The following SUPT3H variants were observed in gnomAD, a reference collection of about 807,000 sequenced individuals.
SUPT3H encodes transcription initiation protein SPT3 homolog.
SUPT3H carries 44 observed loss-of-function variants against 44.3 expected under a neutral mutation model. The observed-to-expected ratio is 0.99, with a 90% CI of 0.78 to 1.28. The LOEUF is 1.28. Among genes scored for constraint, SUPT3H ranks in the 50% most tolerant of loss-of-function variants. The pLI is 0.00. For missense variants in SUPT3H, 380 were observed against 387.1 expected (o/e 0.98, Z 0.15); for synonymous variants, 124 against 125.6 (o/e 0.99, Z 0.09).
chr6:45,029,954 ACAGGAT>A (rs1197259830), intron 3 of SUPT3H, among the ~76,000 whole-genome samples: 1 of 152,110 alleles, frequency 6.6e-6, no homozygotes, highest in Non-Finnish European at 1.5e-5. Context: ...TTTTGTAGAG[ACAGGAT>A]CTCACTTTAT....
At chr6:45,102,868 G>A (rs1798773095) in intron 3 of SUPT3H, among the ~76,000 whole-genome samples, 2 of 151,768 alleles carry the variant, frequency 1.3e-5, no homozygotes, top group South Asian at 4.2e-4. Flanking sequence ...GAACCCAGGA[G>A]TTGGAGATTG....
intron 6 of SUPT3H, among the ~76,000 whole-genome samples, chr6:44,967,999 C>A (rs1777008272): frequency 6.7e-6 from 1 of 149,190 alleles, no homozygotes; most frequent in South Asian, 2.1e-4. Flanking sequence ...TATAAAATTG[C>A]CCAGGCTGGT....
At chr6:44,813,699 A>T (rs1251885529) in intron 11 of SUPT3H, among the ~76,000 whole-genome samples, 1 of 151,800 alleles carries the variant, frequency 6.6e-6, no homozygotes, top group Non-Finnish European at 1.5e-5. Context: ...TGGTATAATT[A>T]AAAAAATAAA....
chr6:44,994,189 A>G (rs1021668988), intron 6 of SUPT3H, among the ~76,000 whole-genome samples: 2 of 152,158 alleles, frequency 1.3e-5, no homozygotes, highest in African/African-American at 2.4e-5. Flanking sequence ...GGCAAAGGCC[A>G]TATTTTATCT....
intron 5 of SUPT3H, among the ~76,000 whole-genome samples, chr6:45,006,258 A>C (rs998381734): frequency 6.6e-6 from 1 of 152,010 alleles, no homozygotes; most frequent in East Asian, 1.9e-4. Flanking sequence ...ATAATGTCTC[A>C]ATGTAAGAAT....
intron 10 of SUPT3H, among the ~76,000 whole-genome samples, chr6:44,895,331 G>C (rs925027403): frequency 6.7e-6 from 1 of 149,480 alleles, no homozygotes; most frequent in African/African-American, 2.5e-5. Context: ...TAGGCTCAAG[G>C]GATCTTCCTG....
At chr6:45,237,066 T>G (rs1202508374) in intron 2 of SUPT3H, among the ~76,000 whole-genome samples, 1 of 152,214 alleles carries the variant, frequency 6.6e-6, no homozygotes, top group Non-Finnish European at 1.5e-5. Flanking sequence ...AACTCCTGAC[T>G]GTGCCATATG....
At chr6:45,342,547 C>T (rs868722168) in intron 2 of SUPT3H, among the ~76,000 whole-genome samples, 1 of 152,152 alleles carries the variant, frequency 6.6e-6, no homozygotes. Flanking sequence ...GCATAAGCCA[C>T]GACACCCAGC....
intron 10 of SUPT3H, among the ~76,000 whole-genome samples, chr6:44,902,152 T>G (rs1362089129): frequency 6.6e-5 from 10 of 152,128 alleles, no homozygotes; most frequent in South Asian, 2.1e-4. Context: ...CATAATGACA[T>G]GATGAAATTC....
At chr6:45,307,432 C>A (rs1783219124) in intron 2 of SUPT3H, among the ~76,000 whole-genome samples, 1 of 152,208 alleles carries the variant, frequency 6.6e-6, no homozygotes, top group Non-Finnish European at 1.5e-5. Context: ...TCCAGAGAAA[C>A]AATCAGACAG....
chr6:44,826,468 A>G (rs1055213977), downstream of SUPT3H, among the ~76,000 whole-genome samples: 1 of 152,250 alleles, frequency 6.6e-6, no homozygotes, highest in Non-Finnish European at 1.5e-5. Flanking sequence ...TTTATGTACT[A>G]TGAAATGTTC....
chr6:45,062,889 C>T (rs370192481), intron 3 of SUPT3H, among the ~76,000 whole-genome samples: 2,594 of 152,074 alleles, frequency 0.017, no homozygotes, highest in South Asian at 0.079. Context: ...GGGGGAGGGG[C>T]GCCTGCCATT....
chr6:44,902,389 C>A (rs954083044), intron 10 of SUPT3H, among the ~76,000 whole-genome samples: 1 of 152,102 alleles, frequency 6.6e-6, no homozygotes, highest in Non-Finnish European at 1.5e-5. Flanking sequence ...ATCCTAGTCT[C>A]TGATAAAACA....
intron 2 of SUPT3H, among the ~76,000 whole-genome samples, chr6:45,345,888 T>C (rs977585057): frequency 1.3e-5 from 2 of 152,164 alleles, no homozygotes; most frequent in South Asian, 2.1e-4. Flanking sequence ...CCAGTTTCTC[T>C]CTAGACACAG....
chr6:44,834,187 G>A (rs1769387893), intron 10 of SUPT3H, among the ~76,000 whole-genome samples: 1 of 152,134 alleles, frequency 6.6e-6, no homozygotes, highest in Admixed American at 6.6e-5. Flanking sequence ...AATGGATGAG[G>A]AGATCATTAA....
chr6:45,351,092 C>T (rs1791921977), intron 2 of SUPT3H, among the ~76,000 whole-genome samples: 1 of 152,172 alleles, frequency 6.6e-6, no homozygotes, highest in Non-Finnish European at 1.5e-5. Context: ...TGTCCCCACC[C>T]CACCAACCCA....
At chr6:45,215,416 C>A (rs1466500802) in intron 2 of SUPT3H, among the ~76,000 whole-genome samples, 3 of 151,890 alleles carry the variant, frequency 2.0e-5, no homozygotes, top group Non-Finnish European at 4.4e-5. Flanking sequence ...CAATGAGATA[C>A]AAGGGAATAC....
At chr6:45,190,808 A>G (rs973413942) in intron 2 of SUPT3H, among the ~76,000 whole-genome samples, 12 of 152,100 alleles carry the variant, frequency 7.9e-5, no homozygotes, top group African/African-American at 2.4e-4. Context: ...GAACATACAC[A>G]CATAGCAAAT....
chr6:44,962,971 T>C (rs991905841), intron 6 of SUPT3H, among the ~76,000 whole-genome samples: 1 of 150,876 alleles, frequency 6.6e-6, no homozygotes, highest in Non-Finnish European at 1.5e-5. Context: ...CAAATCCAAG[T>C]CTATCTTGGT....
Sources: allele counts gnomAD v4.1 joint callset (sites outside exome capture counted in the v4.1 genomes callset), GRCh38; gene constraint gnomAD v4.1.1; transcripts MANE v1.5; gene names NCBI Gene and HGNC (gene_info 2026-07-23, HGNC 2026-07-21).